The following PTGIS variants were observed in gnomAD, a reference collection of about 807,000 sequenced individuals.
The protein encoded by PTGIS is prostacyclin synthase.
A neutral mutation model predicts 50.3 loss-of-function variants in PTGIS; 45 were observed. The observed-to-expected ratio is 0.90, with a 90% CI of 0.70 to 1.15. The LOEUF (loss-of-function observed/expected upper bound fraction) is 1.15, where lower values mean the gene tolerates loss of function less well. Ranked by LOEUF, PTGIS falls within the 50% of genes most tolerant of loss-of-function variation. The pLI, the probability that PTGIS is intolerant of heterozygous loss-of-function variation, is 0.00. For missense variants in PTGIS, 668 were observed against 661.3 expected, an observed-to-expected ratio of 1.01 and a Z score of -0.11; for synonymous variants, 260 against 267.7, an observed-to-expected ratio of 0.97 and a Z score of 0.28.
At chr20:49,536,447 T>A (rs376431252) in intron 5 of PTGIS, among the ~76,000 whole-genome samples, 1 of 151,366 alleles carries the variant, frequency 6.6e-6, no homozygotes, top group Non-Finnish European at 1.5e-5. Flanking sequence ...TGCTTTTTCT[T>A]TTTTTCTTTT....
rs1381215045 is a variant in PTGIS, at chr20:49,533,002, C to T, written c.673+6568G>A. 1.1e-4 allele frequency among the ~76,000 whole-genome samples: 16 copies of T among 152,280 alleles called. No homozygotes were observed. In the East Asian group the frequency reaches 2.7e-3, roughly 26 times the overall value. On this transcript the variant is annotated intron_variant, in intron 5 of 9. Transcript: ENST00000244043. The stretch of plus-strand genomic sequence containing the variant: ...CCATGAATGAGGGCTGCCAGGCCCA[C>T]GGTGATTGGCAGCCCACCAATTTAA...
At chr20:49,530,945 G>C (rs942452476) in intron 5 of PTGIS, among the ~76,000 whole-genome samples, 3 of 152,058 alleles carry the variant, frequency 2.0e-5, no homozygotes, top group Non-Finnish European at 2.9e-5. Context: ...TTTTTTAGTA[G>C]AGACAGGGTC....
intron 8 of PTGIS, among the ~76,000 whole-genome samples, chr20:49,511,973 A>G (rs1159436001): frequency 1.3e-5 from 2 of 151,778 alleles, no homozygotes; most frequent in Non-Finnish European, 2.9e-5. Flanking sequence ...GGATGAGTAG[A>G]TGGGTGGATA....
rs568797778 is a variant in PTGIS, at chr20:49,509,100, G to A, written c.1359-1036C>T. 2.0e-5 allele frequency among the ~76,000 whole-genome samples: 3 copies of A among 152,362 alleles called. No individual in the cohort carries two copies. In the East Asian group the frequency reaches 5.8e-4, roughly 29 times the overall value. On this transcript the variant is annotated intron_variant, in intron 9 of 9. Coordinates refer to ENST00000244043, the MANE Select transcript of PTGIS (RefSeq NM_000961.4). ...TCTGGGCTGTGCCGCTTATGGGAAT[G>A]TGGCCCTCGCCAAGTTCTTACCCAC...
At chr20:49,560,780 G>A (rs1982752102) in intron 1 of PTGIS, among the ~76,000 whole-genome samples, 1 of 152,218 alleles carries the variant, frequency 6.6e-6, no homozygotes, top group Admixed American at 6.5e-5. Flanking sequence ...AGCGTGGCTG[G>A]AGTGGAGAAT....
intron 1 of PTGIS, among the ~76,000 whole-genome samples, chr20:49,561,349 C>T (rs1339277009): frequency 6.6e-6 from 1 of 152,172 alleles, no homozygotes; most frequent in Non-Finnish European, 1.5e-5. Context: ...CAACCATTCC[C>T]TCCTCTCCCC....
rs191956560 is a variant in PTGIS at position 49,564,277 on chromosome 20, A to G, written c.74+3766T>C. Among the ~76,000 whole-genome samples, 408 of 151,588 alleles carry G rather than the reference A, an allele frequency of 2.7e-3. 1 individual carries two copies. Among genetic ancestry groups the G allele is most frequent in the Non-Finnish European group, 4.2e-3 (284 of 67,896 alleles). ...ATCTAATTTTTTTTTTTTGAGATGG[A>G]GTCTCGCTCTGTTGCCCAGGCTGGA... On this transcript the variant is annotated intron_variant, in intron 1 of 9. Transcript: ENST00000244043.
intron 1 of PTGIS, among the ~76,000 whole-genome samples, chr20:49,555,257 A>C (rs1454508522): frequency 1.4e-5 from 2 of 143,316 alleles, no homozygotes; most frequent in Non-Finnish European, 3.0e-5. Flanking sequence ...TGGGCGACAA[A>C]GTGAGAGTGT....
chr20:49,539,543 A>T, intron 5 of PTGIS, 27 bp downstream of exon 5: 1 of 1,608,940 alleles, frequency 6.2e-7, no homozygotes, highest in Non-Finnish European at 8.5e-7. Flanking sequence ...CCTCCCCCCC[A>T]CCCACTGGGG....
chr20:49,510,517 C>T (rs760761057), intron 9 of PTGIS, among the ~76,000 whole-genome samples: 5 of 152,066 alleles, frequency 3.3e-5, no homozygotes, highest in Non-Finnish European at 7.3e-5. Flanking sequence ...TATGATTGCA[C>T]AGGGGCTGGA....
intron 6 of PTGIS, among the ~76,000 whole-genome samples, chr20:49,514,912 G>A (rs370668926): frequency 8.2e-4 from 125 of 152,272 alleles, no homozygotes; most frequent in African/African-American, 2.8e-3. Flanking sequence ...GCCACTCTAC[G>A]CCTAAGCCGC....
At chr20:49,543,523 C>T (rs1446170483) in intron 4 of PTGIS, among the ~76,000 whole-genome samples, 1 of 152,228 alleles carries the variant, frequency 6.6e-6, no homozygotes, top group Non-Finnish European at 1.5e-5. Flanking sequence ...ACTTCTCTGA[C>T]CTCCTGTCCA....
At chr20:49,526,124 C>T (rs1372811434) in intron 5 of PTGIS, among the ~76,000 whole-genome samples, 1 of 152,180 alleles carries the variant, frequency 6.6e-6, no homozygotes, top group African/African-American at 2.4e-5. Context: ...CCTGGGAGCT[C>T]TTAAATCTCT....
At chr20:49,522,439 A>AC (rs1216534271) in intron 6 of PTGIS, among the ~76,000 whole-genome samples, 4 of 150,896 alleles carry the variant, frequency 2.7e-5, no homozygotes, top group Non-Finnish European at 5.9e-5. Flanking sequence ...TGTCCTCCTG[A>AC]CCCCCCAAAT....
chr20:49,563,112 C>T (rs888660846), intron 1 of PTGIS, among the ~76,000 whole-genome samples: 8 of 152,188 alleles, frequency 5.3e-5, no homozygotes, highest in Admixed American at 3.3e-4. Context: ...GGGTAGACTG[C>T]CCAACCTCTC....
chr20:49,514,175 G>A (rs1255247232), intron 7 of PTGIS, 52 bp downstream of exon 7: 8 of 1,600,788 alleles, frequency 5.0e-6, no homozygotes, highest in Non-Finnish European at 6.8e-6. Flanking sequence ...GGCTTTGGGG[G>A]TCCATGATGA....
At position 49,539,534 on chromosome 20, in the gene PTGIS, C is replaced by T. The variant is rs375160597; in HGVS notation, c.673+36G>A. On this transcript the variant is annotated intron_variant, in intron 5 of 9. Transcript: ENST00000244043. ...GGCTCCCCCTCTGGGTCTTTCCATC[C>T]TCCCCCCCACCCACTGGGGCCCCCA... 2.3e-4 allele frequency: 362 copies of T among 1,605,404 alleles called. 1 individual carries two copies. The highest frequency in any genetic ancestry group is 5.2e-4 in the Middle Eastern group (3 of 5,808).
At chr20:49,516,329 G>A (rs1308444826) in intron 6 of PTGIS, among the ~76,000 whole-genome samples, 1 of 151,994 alleles carries the variant, frequency 6.6e-6, no homozygotes, top group Non-Finnish European at 1.5e-5. Context: ...CCAGGCTGGA[G>A]TGCAATGGCA....
intron 3 of PTGIS, among the ~76,000 whole-genome samples, chr20:49,545,019 C>T (rs1982322559): frequency 6.6e-6 from 1 of 152,214 alleles, no homozygotes; most frequent in Non-Finnish European, 1.5e-5. Flanking sequence ...CACCTGTAAT[C>T]CCAGCACTCT....
Sources: allele counts gnomAD v4.1 joint callset (sites outside exome capture counted in the v4.1 genomes callset), GRCh38; gene constraint gnomAD v4.1.1; transcripts MANE v1.5; gene names NCBI Gene and HGNC (gene_info 2026-07-23, HGNC 2026-07-21).